Variants in ABCG2 observed in about 807,000 individuals in gnomAD.
ABCG2 encodes ATP binding cassette subfamily G member 2 (JR blood group).
In ABCG2, 80 loss-of-function variants were observed where a neutral mutation model predicts 73.5. That is an observed-to-expected ratio of 1.09 (90% CI 0.91 to 1.31). ABCG2 has a LOEUF of 1.31. ABCG2 is among the 50% of genes most tolerant of loss of function. The pLI is 0.00. For synonymous variants in ABCG2, 269 were observed against 282.4 expected, an observed-to-expected ratio of 0.95 and a Z score of 0.48; for missense variants, 796 against 786.2, an observed-to-expected ratio of 1.01 and a Z score of -0.15.
At chr4:88,165,725 T>G (rs1727488023) in intron 1 of ABCG2, among the ~76,000 whole-genome samples, 1 of 152,060 alleles carries the variant, frequency 6.6e-6, no homozygotes, top group Non-Finnish European at 1.5e-5. Flanking sequence ...AATACAAAAA[T>G]TAAGCGGGCA....
At chr4:88,172,608 TA>T (rs1578254950) in intron 1 of ABCG2, among the ~76,000 whole-genome samples, 2 of 151,862 alleles carry the variant, frequency 1.3e-5, no homozygotes, top group African/African-American at 4.8e-5. Flanking sequence ...ATTAATTAAT[TA>T]AATTAATAAG....
Position 88,091,491 on chromosome 4 carries a change from T to G in ABCG2, c.*743A>C, listed in dbSNP as rs540390670. The G allele has an allele frequency of 6.6e-6, 1 of 152,276 alleles. No individual in the cohort carries two copies. Among genetic ancestry groups the G allele is most frequent in the East Asian group, 1.9e-4 (1 of 5,180 alleles). 9.4% of individuals were successfully genotyped at this position (152,276 alleles called of 1,614,324 possible). A position where few individuals can be genotyped will look rare whatever the true frequency, so the allele number is the denominator to read the frequency against. On this transcript the variant is annotated 3_prime_UTR_variant, in exon 16 of 16. Coordinates refer to ENST00000237612, the MANE Select transcript of ABCG2 (RefSeq NM_004827.3). ...TATTTTAGCAAAGTTCCTCAGATGA[T>G]TCTGACGCACACCTGGATTATAAAC...
At chr4:88,125,755 T>G (rs1485258586) in intron 5 of ABCG2, among the ~76,000 whole-genome samples, 1 of 151,130 alleles carries the variant, frequency 6.6e-6, no homozygotes. Context: ...CACAACGTAC[T>G]AGAATCTCTG....
chr4:88,111,597 A>T (rs1408731208), intron 9 of ABCG2, among the ~76,000 whole-genome samples: 2 of 152,178 alleles, frequency 1.3e-5, no homozygotes, highest in African/African-American at 4.8e-5. Context: ...TATATACTTA[A>T]GTATAGAAAT....
At chr4:88,170,776 C>T (rs375707822) in intron 1 of ABCG2, among the ~76,000 whole-genome samples, 10 of 152,350 alleles carry the variant, frequency 6.6e-5, no homozygotes, top group African/African-American at 2.4e-4. Context: ...CCACAGGCAG[C>T]GAGCGACCGG....
At chr4:88,173,233 C>T (rs576166257) in intron 1 of ABCG2, among the ~76,000 whole-genome samples, 44 of 152,244 alleles carry the variant, frequency 2.9e-4, no homozygotes, top group African/African-American at 9.9e-4. Flanking sequence ...CAATCTTCAA[C>T]TAGTGGCCAA....
At chr4:88,154,065 A>G (rs900940426) in intron 1 of ABCG2, among the ~76,000 whole-genome samples, 4 of 152,144 alleles carry the variant, frequency 2.6e-5, no homozygotes, top group African/African-American at 9.7e-5. Context: ...TCTAAGAACC[A>G]TTTGCTTTGT....
chr4:88,148,691 C>G (rs536304531), intron 1 of ABCG2, among the ~76,000 whole-genome samples: 4 of 152,154 alleles, frequency 2.6e-5, no homozygotes, highest in African/African-American at 9.7e-5. Context: ...ACTGTACACA[C>G]GGTTCTGCCT....
At chr4:88,180,450 C>A (rs1046501427) in intron 1 of ABCG2, among the ~76,000 whole-genome samples, 1 of 152,140 alleles carries the variant, frequency 6.6e-6, no homozygotes, top group African/African-American at 2.4e-5. Context: ...AAGAAAAAAA[C>A]GTTGGCCAGG....
At chr4:88,202,353 T>TC (rs59941193) in intron 1 of ABCG2, among the ~76,000 whole-genome samples, 1 of 66,658 alleles carries the variant, frequency 1.5e-5, no homozygotes, top group Non-Finnish European at 3.2e-5. Flanking sequence ...TCTACAATTA[T>TC]TTATATATAT....
At chr4:88,213,055 C>A (rs1440432432) in intron 1 of ABCG2, among the ~76,000 whole-genome samples, 1 of 152,130 alleles carries the variant, frequency 6.6e-6, no homozygotes, top group South Asian at 2.1e-4. Context: ...ATGAATGCCA[C>A]CGCACCCAGC....
rs199976573 is a variant in ABCG2, at chr4:88,132,618, C to A, written c.221G>T (p.Gly74Val). ...LSNINGIMKP[G>V]LNAILGPTGG... ...TGTGGGTCCCAGGATGGCGTTGAGA[C>A]CAGGTTTCATGATCCCACTGTAAAC... The change falls in exon 3 of 16, where the codon GGT becomes GTT. Residue 74 changes from glycine (G) to valine (V), a missense_variant. Transcript: ENST00000237612. The A allele has an allele frequency of 6.2e-7, 1 of 1,614,134 alleles. No homozygotes were observed. The highest frequency in any genetic ancestry group is 1.3e-5 in the African/African-American group (1 of 75,036).
chr4:88,127,928 A>G (rs1273636520), intron 5 of ABCG2, among the ~76,000 whole-genome samples: 2 of 151,390 alleles, frequency 1.3e-5, no homozygotes, highest in Admixed American at 1.3e-4. Context: ...TAATTACACT[A>G]AAGAGCTTCT....
rs145433166 is a variant in ABCG2, at chr4:88,137,902, C to T, written c.203+1891G>A. On this transcript the variant is annotated intron_variant, in intron 2 of 15. Transcript: ENST00000237612. ...AGGTGCAGTGGCTCATGCTTATAAC[C>T]CCAGTGCTTTGGGAGGCCAAGGTGG... is the stretch of plus-strand genomic sequence containing the variant. 3.4e-3 allele frequency among the ~76,000 whole-genome samples: 520 copies of T among 152,260 alleles called. 18 individuals carry two copies. Among genetic ancestry groups the T allele is most frequent in the Admixed American group, 0.028 (424 of 15,288 alleles).
At chr4:88,093,932 T>C (rs897450958) in intron 15 of ABCG2, among the ~76,000 whole-genome samples, 17 of 152,184 alleles carry the variant, frequency 1.1e-4, no homozygotes, top group African/African-American at 2.9e-4. Flanking sequence ...GGGGTTTTTT[T>C]CTCAACTTAT....
At chr4:88,212,579 C>T (rs2110124424) in intron 1 of ABCG2, among the ~76,000 whole-genome samples, 1 of 152,184 alleles carries the variant, frequency 6.6e-6, no homozygotes, top group Non-Finnish European at 1.5e-5. Context: ...CCACCTAAAC[C>T]CCTCTAATAA....
chr4:88,156,228 A>T (rs1726927538), intron 1 of ABCG2, among the ~76,000 whole-genome samples: 1 of 152,016 alleles, frequency 6.6e-6, no homozygotes, highest in Admixed American at 6.6e-5. Flanking sequence ...TACAAAAAGT[A>T]GCCAAGTGTG....
chr4:88,188,929 C>T lies in ABCG2; in HGVS notation c.-20+42065G>A, dbSNP rs185481420. Among the ~76,000 whole-genome samples the T allele has an allele frequency of 5.9e-4, 90 of 152,140 alleles. 1 individual carries two copies. In the Middle Eastern group the frequency reaches 0.01, roughly 17 times the overall value. On this transcript the variant is annotated intron_variant, in intron 1 of 15. Coordinates refer to the ABCG2 transcript ENST00000515655. ...TCAGGAGGCTGAGGTAGGAGAATCACCTGAACCTGGGAAGCAGAGGCTGCA... is the reference window on the plus strand; with the variant it reads ...TCAGGAGGCTGAGGTAGGAGAATCATCTGAACCTGGGAAGCAGAGGCTGCA...
At chr4:88,127,903 T>C (rs2725258) in intron 5 of ABCG2, among the ~76,000 whole-genome samples, 148,065 of 150,774 alleles carry the variant, frequency 0.98, 72,768 homozygotes, top group East Asian at 1. Context: ...AAAGCCAAAA[T>C]TGACAAATGG....
Sources: allele counts gnomAD v4.1 joint callset (sites outside exome capture counted in the v4.1 genomes callset), GRCh38; gene constraint gnomAD v4.1.1; transcripts MANE v1.5; gene names NCBI Gene and HGNC (gene_info 2026-07-23, HGNC 2026-07-21).